Variants in OBI1 observed in about 807,000 individuals in gnomAD.
OBI1 encodes ORC ubiquitin ligase 1.
Under a neutral mutation model 62.4 loss-of-function variants are expected in OBI1, and 59 were observed. The observed-to-expected ratio is 0.95, with a 90% CI of 0.77 to 1.17. OBI1 has a LOEUF of 1.17. OBI1 is among the 50% of genes most tolerant of loss of function. OBI1 has a pLI of 0.00. For missense variants in OBI1, 875 were observed against 830.9 expected (o/e 1.05, Z -0.65); for synonymous variants, 302 against 292.8 (o/e 1.03, Z -0.32).
chr13:78,637,931 G>GA (rs1876078589), intron 4 of OBI1, among the ~76,000 whole-genome samples: 1 of 152,126 alleles, frequency 6.6e-6, no homozygotes, highest in African/African-American at 2.4e-5. Context: ...ATATACAGGG[G>GA]AACTCCTTTA....
At position 78,659,148 on chromosome 13, in the gene OBI1, G is replaced by A. The variant is rs1367445220; in HGVS notation, c.-28C>T. On this transcript the variant is annotated 5_prime_UTR_variant, in exon 1 of 6. Coordinates refer to ENST00000282003, the MANE Select transcript of OBI1 (RefSeq NM_024546.4). ...CAGCGTTCAGAATCCCGCCAACACGGAAGTCCCGCCGACCTACCGCTACTC... is the reference window on the plus strand; with the variant it reads ...CAGCGTTCAGAATCCCGCCAACACGAAAGTCCCGCCGACCTACCGCTACTC... The A allele has an allele frequency of 1.9e-6, 3 of 1,604,608 alleles. No homozygotes were observed. The South Asian group carries it at 3.3e-5, about 18-fold the overall frequency.
chr13:78,627,845 C>G (rs9574266), intron 5 of OBI1, among the ~76,000 whole-genome samples: 13,445 of 152,186 alleles, frequency 0.088, 1,045 homozygotes, highest in East Asian at 0.38. Flanking sequence ...TAATAACGCA[C>G]CCTCATTTTA....
chr13:78,627,368 A>G (rs1429410561), intron 5 of OBI1, among the ~76,000 whole-genome samples: 2 of 150,562 alleles, frequency 1.3e-5, no homozygotes, highest in African/African-American at 4.9e-5. Context: ...TTACATAGGT[A>G]TACGTGTGCC....
chr13:78,648,419 A>AT (rs140677865), intron 1 of OBI1, among the ~76,000 whole-genome samples: 15,380 of 152,080 alleles, frequency 0.1, 853 homozygotes, highest in South Asian at 0.18. Context: ...ATAGTAAGTT[A>AT]TTTTTTATAA....
chr13:78,641,736 G>A (rs1479856362), intron 3 of OBI1, among the ~76,000 whole-genome samples: 1 of 151,682 alleles, frequency 6.6e-6, no homozygotes, highest in Admixed American at 6.6e-5. Flanking sequence ...TGACTGCAGA[G>A]GTCAGACTGG....
intron 2 of OBI1, among the ~76,000 whole-genome samples, chr13:78,644,475 C>T (rs887338710): frequency 3.3e-5 from 5 of 151,918 alleles, no homozygotes; most frequent in South Asian, 2.1e-4. Context: ...TAATTTTCAC[C>T]GTTGAAATGT....
rs547642089 is a variant in OBI1, at chr13:78,655,685, G to C, written c.72+3364C>G. On this transcript the variant is annotated intron_variant, in intron 1 of 5. Coordinates refer to ENST00000282003, the MANE Select transcript of OBI1 (RefSeq NM_024546.4). ...CACCTTGTGACCCTCCAGGGATAAT[G>C]GTCCTTAATTCTGTTGAATAATCAA... 3.3e-5 allele frequency among the ~76,000 whole-genome samples: 5 copies of C among 152,160 alleles called. No individual in the cohort carries two copies. In the South Asian group the frequency reaches 1.0e-3, roughly 32 times the overall value.
In OBI1 at chr13:78,615,569, T is replaced by A. The variant is rs1311393625; in HGVS notation, c.*11A>T. On this transcript the variant is annotated 3_prime_UTR_variant, in exon 6 of 6. Transcript: ENST00000282003. The stretch of plus-strand genomic sequence containing the variant: ...TCAGGACAAAACCACAAATGACACC[T>A]TTCTAATGAGTCAACTTTTAGTTGC... 4 of 1,572,520 alleles carry A rather than the reference T, an allele frequency of 2.5e-6. No individual in the cohort carries two copies. The highest frequency in any genetic ancestry group is 3.8e-5 in the Admixed American group (2 of 52,514).
Position 78,625,991 on chromosome 13 carries a change from T to C in OBI1, c.639-8869A>G, listed in dbSNP as rs536704843. On this transcript the variant is annotated intron_variant, in intron 5 of 5. Coordinates refer to ENST00000282003, the MANE Select transcript of OBI1 (RefSeq NM_024546.4). ...AGCATTACTAGCACATCTTGAGACATAGTTTAGAAAGAGCAGACCTGTGAA... is the reference window on the plus strand; with the variant it reads ...AGCATTACTAGCACATCTTGAGACACAGTTTAGAAAGAGCAGACCTGTGAA... Among the ~76,000 whole-genome samples the C allele has an allele frequency of 2.6e-4, 39 of 152,308 alleles. No homozygotes were observed. The East Asian group carries it at 7.5e-3, about 29-fold the overall frequency.
chr13:78,650,280 A>T (rs1876509033), intron 1 of OBI1, among the ~76,000 whole-genome samples: 1 of 152,226 alleles, frequency 6.6e-6, no homozygotes, highest in South Asian at 2.1e-4. Context: ...ACAGTGAAAA[A>T]GTGATAGGGT....
chr13:78,635,042 C>T (rs1875977746), intron 5 of OBI1, 68 bp downstream of exon 5: 1 of 904,278 alleles, frequency 1.1e-6, no homozygotes, highest in South Asian at 1.7e-5. Flanking sequence ...AAAAAACAAA[C>T]CCTCACAGCA....
At chr13:78,633,475 T>C (rs950390725) in intron 5 of OBI1, among the ~76,000 whole-genome samples, 17 of 152,176 alleles carry the variant, frequency 1.1e-4, no homozygotes, top group African/African-American at 3.9e-4. Flanking sequence ...TAAATTTCCA[T>C]TGTTTGCTTA....
chr13:78,657,705 C>T (rs1383492732), intron 1 of OBI1, among the ~76,000 whole-genome samples: 1 of 152,114 alleles, frequency 6.6e-6, no homozygotes, highest in Non-Finnish European at 1.5e-5. Flanking sequence ...GTACAAAATA[C>T]TTCCCAAGAA....
In OBI1 at chr13:78,644,847, A is replaced by C. The variant is rs774887762; in HGVS notation, c.208+15T>G. ...TTCAAACCTATTCCTATGCATATAT[A>C]AAACAGGCCCTTACCTATAATTTCT... On this transcript the variant is annotated intron_variant, in intron 2 of 5. Transcript: ENST00000282003. 1 of 1,612,130 alleles carries C rather than the reference A, an allele frequency of 6.2e-7. No individual in the cohort carries two copies. Among genetic ancestry groups the C allele is most frequent in the Non-Finnish European group, 8.5e-7 (1 of 1,178,212 alleles).
intron 4 of OBI1, 52 bp downstream of exon 4, chr13:78,638,771 A>G: frequency 6.7e-7 from 1 of 1,492,742 alleles, no homozygotes; most frequent in Non-Finnish European, 9.1e-7. Flanking sequence ...ATGCTTTTGA[A>G]GGTACTTATT....
In OBI1 at chr13:78,635,186, AT is replaced by A. The variant is rs1426160834; in HGVS notation, c.561del (p.Lys187AsnfsTer2). The A allele has an allele frequency of 1.3e-6, 2 of 1,599,832 alleles. No homozygotes were observed. The highest frequency in any genetic ancestry group is 1.7e-5 in the Admixed American group (1 of 58,782). On this transcript the variant is annotated frameshift_variant, in exon 5 of 6. Transcript: ENST00000282003. LOFTEE classifies it high-confidence loss of function. Reference sequence around the variant, plus strand: ...ACCAGACCACCATTTTCCAATTTCAATTTTTTATTTGCCTAAAATAACAAAT... The same window carrying A: ...ACCAGACCACCATTTTCCAATTTCAATTTTTATTTGCCTAAAATAACAAAT... ...DVDKLKEANKKLKLENGGLVR... is the reference protein window; with the variant it reads ...DVDKLKEANKXLKLENGGLVR...
At chr13:78,632,235 TAAC>T (rs1875874518) in intron 5 of OBI1, among the ~76,000 whole-genome samples, 1 of 151,936 alleles carries the variant, frequency 6.6e-6, no homozygotes, top group South Asian at 2.1e-4. Flanking sequence ...TATAAAGACA[TAAC>T]AAGAAGGTAA....
intron 1 of OBI1, among the ~76,000 whole-genome samples, chr13:78,657,812 G>A (rs181004380): frequency 5.9e-4 from 90 of 152,302 alleles, no homozygotes; most frequent in Non-Finnish European, 1.0e-3. Context: ...AATGTAGACT[G>A]TGGCAAATAG....
intron 5 of OBI1, among the ~76,000 whole-genome samples, chr13:78,626,509 A>G (rs915817636): frequency 2.0e-5 from 3 of 152,188 alleles, no homozygotes; most frequent in African/African-American, 7.2e-5. Flanking sequence ...ACAAGAGGAA[A>G]ATGCTACCTC....
Sources: gnomAD v4.1 joint callset for allele counts (sites outside exome capture counted in the v4.1 genomes callset) on GRCh38, gnomAD v4.1.1 for gene constraint, MANE v1.5 for transcripts, NCBI Gene and HGNC (gene_info 2026-07-23, HGNC 2026-07-21) for gene names.